The following RFWD3 variants were observed in gnomAD, a reference collection of about 807,000 sequenced individuals.
RFWD3 encodes E3 ubiquitin-protein ligase RFWD3.
Under a neutral mutation model 87.7 loss-of-function variants are expected in RFWD3, and 65 were observed. That is an observed-to-expected ratio of 0.74 (90% CI 0.61 to 0.91). The LOEUF is 0.91. RFWD3 is among the 40% of genes least tolerant of loss of function. RFWD3 has a pLI of 0.00. For synonymous variants in RFWD3, 433 were observed against 352.8 expected, an observed-to-expected ratio of 1.23 and a Z score of -2.55; for missense variants, 1,078 against 938.5, an observed-to-expected ratio of 1.15 and a Z score of -1.94.
intron 6 of RFWD3, among the ~76,000 whole-genome samples, chr16:74,641,593 G>A (rs955236476): frequency 2.6e-5 from 4 of 151,986 alleles, no homozygotes; most frequent in Non-Finnish European, 4.4e-5. Context: ...AGCTACAGAA[G>A]AAAAAGTTAT....
intron 9 of RFWD3, among the ~76,000 whole-genome samples, chr16:74,631,235 G>C (rs1042306359): frequency 6.6e-6 from 1 of 152,174 alleles, no homozygotes; most frequent in African/African-American, 2.4e-5. Context: ...TGTAATCCCA[G>C]CACTTTGGGA....
At chr16:74,629,513 G>C (rs1425493669) in intron 10 of RFWD3, among the ~76,000 whole-genome samples, 1 of 152,074 alleles carries the variant, frequency 6.6e-6, no homozygotes, top group African/African-American at 2.4e-5. Flanking sequence ...ACAAAAGTTA[G>C]TCAGGTGTGG....
rs117105077 is a variant in RFWD3 at position 74,653,226 on chromosome 16, C to T, written c.519-1104G>A. Among the ~76,000 whole-genome samples the T allele has an allele frequency of 3.5e-4, 54 of 152,172 alleles. 1 individual carries two copies. In the East Asian group the frequency reaches 0.01, roughly 29 times the overall value. ...TGGTGGTGTGCTCCTGTAGTTCCAG[C>T]TACTTGGGAGGCCAAGGTGGGAGGA... On this transcript the variant is annotated intron_variant, in intron 2 of 12. Coordinates refer to ENST00000361070, the MANE Select transcript of RFWD3 (RefSeq NM_018124.4).
At position 74,636,399 on chromosome 16, in the gene RFWD3, G is replaced by A; in HGVS notation, c.1373C>T (p.Ala458Val). 6.2e-7 allele frequency: 1 copy of A among 1,614,216 alleles called. No homozygotes were observed. Reference protein sequence around the residue: ...GNCRIMAYCDALSCLVISQPS... With the variant: ...GNCRIMAYCDVLSCLVISQPS... ...CTGTGATATCACCAGGCAGCTCAGAGCATCACAGTATGCCATGATCCGGCA... is the reference window on the plus strand; with the variant it reads ...CTGTGATATCACCAGGCAGCTCAGAACATCACAGTATGCCATGATCCGGCA... Residue 458 changes from alanine to valine, a missense_variant, in exon 8 of 13, where the codon GCT becomes GTT. Physicochemically the swap from Ala to Val is moderately conservative, Grantham distance 64 (BLOSUM62 0). Transcript: ENST00000361070.
At chr16:74,652,403 C>G (rs1960640119) in intron 2 of RFWD3, among the ~76,000 whole-genome samples, 1 of 152,028 alleles carries the variant, frequency 6.6e-6, no homozygotes, top group Admixed American at 6.6e-5. Context: ...TTGTCAGTAT[C>G]TTTAAAGGAC....
At position 74,660,915 on chromosome 16, in the gene RFWD3, T is replaced by C. The variant is rs921968598; in HGVS notation, c.518+17A>G. The C allele has an allele frequency of 5.0e-6, 8 of 1,601,492 alleles. No homozygotes were observed. The highest frequency in any genetic ancestry group is 6.8e-6 in the Non-Finnish European group (8 of 1,172,238). On this transcript the variant is annotated intron_variant, in intron 2 of 12. Coordinates refer to ENST00000361070, the MANE Select transcript of RFWD3 (RefSeq NM_018124.4). ...TAGTACAGCAATGATCACAGACTTATCCATATATTTATTTACCTGGCACTG... is the reference window on the plus strand; with the variant it reads ...TAGTACAGCAATGATCACAGACTTACCCATATATTTATTTACCTGGCACTG...
intron 5 of RFWD3, 29 bp from the exon 6 acceptor site, chr16:74,644,482 G>C: frequency 1.2e-6 from 2 of 1,614,060 alleles, no homozygotes; most frequent in South Asian, 1.1e-5. Context: ...CATAATTAGA[G>C]TGGTTCTAGG....
intron 2 of RFWD3, among the ~76,000 whole-genome samples, chr16:74,652,694 G>T (rs1435441458): frequency 6.6e-6 from 1 of 152,162 alleles, no homozygotes; most frequent in Non-Finnish European, 1.5e-5. Flanking sequence ...ATGATGAGAA[G>T]ACCTGGGGCC....
At chr16:74,654,787 A>G (rs1254353073) in intron 2 of RFWD3, among the ~76,000 whole-genome samples, 1 of 152,210 alleles carries the variant, frequency 6.6e-6, no homozygotes, top group Non-Finnish European at 1.5e-5. Flanking sequence ...GAATGATAAG[A>G]CAGCCTTATT....
intron 1 of RFWD3, chr16:74,665,300 G>C (rs1961790729): frequency 1.3e-5 from 2 of 152,366 alleles, no homozygotes; most frequent in African/African-American, 4.8e-5. Flanking sequence ...AAGAAAAATA[G>C]AACAGGTCAG....
chr16:74,626,185 C>G (rs1275295610), intron 12 of RFWD3, among the ~76,000 whole-genome samples, 158 bp downstream of exon 12: 1 of 152,192 alleles, frequency 6.6e-6, no homozygotes, highest in Non-Finnish European at 1.5e-5. Context: ...GGAAACCAAG[C>G]AATCTCACAT....
At chr16:74,631,463 A>ACACTCTCTCT (rs1555525199) in intron 9 of RFWD3, among the ~76,000 whole-genome samples, 1 of 150,160 alleles carries the variant, frequency 6.7e-6, no homozygotes, top group African/African-American at 2.5e-5. Flanking sequence ...ACAGAGTGAG[A>ACACTCTCTCT]CTCTCTCTCT....
intron 11 of RFWD3, among the ~76,000 whole-genome samples, chr16:74,626,857 C>T (rs984199250): frequency 6.6e-6 from 1 of 152,174 alleles, no homozygotes; most frequent in African/African-American, 2.4e-5. Context: ...AGTCTCCTGC[C>T]AGACCTCTGC....
chr16:74,625,767 T>C (rs1298097285), intron 12 of RFWD3, among the ~76,000 whole-genome samples: 1 of 152,256 alleles, frequency 6.6e-6, no homozygotes, highest in Non-Finnish European at 1.5e-5. Flanking sequence ...CACACAAGTT[T>C]ATATTTAACT....
intron 2 of RFWD3, 30 bp downstream of exon 2, chr16:74,660,902 G>A: frequency 6.3e-7 from 1 of 1,583,052 alleles, no homozygotes; most frequent in Non-Finnish European, 8.6e-7. Flanking sequence ...GTACAGCAAT[G>A]ATCACAGACT....
chr16:74,657,179 A>T (rs1415653953), intron 2 of RFWD3, among the ~76,000 whole-genome samples: 1 of 152,172 alleles, frequency 6.6e-6, no homozygotes, highest in Non-Finnish European at 1.5e-5. Context: ...AGGTGCTCCA[A>T]TCCCTCTGGT....
chr16:74,661,406 T>G lies in RFWD3; in HGVS notation c.44A>C (p.Asn15Thr). ...AGGAGCTGGCTGTTGTTCGGCATGATTTAACTGCACCTGAACATCATATTC... is the reference window on the plus strand; with the variant it reads ...AGGAGCTGGCTGTTGTTCGGCATGAGTTAACTGCACCTGAACATCATATTC... ...AMEYDVQVQL[N>T]HAEQQPAPAG... Residue 15 changes from asparagine (N) to threonine (T), a missense_variant, in exon 2 of 13, where the codon AAT (asparagine) becomes ACT (threonine). Physicochemically the swap from Asn to Thr is moderately conservative, Grantham distance 65. Transcript: ENST00000361070. 1 of 1,613,890 alleles carries G rather than the reference T, an allele frequency of 6.2e-7. No homozygotes were observed. Among genetic ancestry groups the G allele is most frequent in the Non-Finnish European group, 8.5e-7 (1 of 1,179,942 alleles).
In RFWD3 at chr16:74,622,538, A is replaced by G. The variant is rs551398500; in HGVS notation, c.*1390T>C. 1.3e-5 allele frequency: 2 copies of G among 152,208 alleles called. No homozygotes were observed. Among genetic ancestry groups the G allele is most frequent in the Non-Finnish European group, 2.9e-5 (2 of 68,044 alleles). 9.4% of individuals were successfully genotyped at this position (152,208 alleles called of 1,614,324 possible). On this transcript the variant is annotated 3_prime_UTR_variant, in exon 13 of 13. Transcript: ENST00000361070. ...TTAAAAGGCACAACTAGAACTTGGA[A>G]CTCTGGGGAAATCTAGTGCAACAAC...
At chr16:74,650,666 T>C (rs1206804755) in intron 3 of RFWD3, among the ~76,000 whole-genome samples, 1 of 151,962 alleles carries the variant, frequency 6.6e-6, no homozygotes, top group African/African-American at 2.4e-5. Flanking sequence ...TTAGCTGAAA[T>C]TTTTCTATTA....
Sources: allele counts gnomAD v4.1 joint callset (sites outside exome capture counted in the v4.1 genomes callset), GRCh38; gene constraint gnomAD v4.1.1; transcripts MANE v1.5; gene names NCBI Gene and HGNC (gene_info 2026-07-23, HGNC 2026-07-21).